The following DCDC2 variants were observed in gnomAD, a reference collection of about 807,000 sequenced individuals.
DCDC2 encodes the protein doublecortin domain-containing protein 2.
DCDC2 carries 40 observed loss-of-function variants against 50.2 expected under a neutral mutation model. That is an observed-to-expected ratio of 0.80 (90% CI 0.62 to 1.04). The LOEUF (loss-of-function observed/expected upper bound fraction) is 1.04, where lower values mean the gene tolerates loss of function less well. DCDC2 is among the 50% of genes least tolerant of loss of function. The pLI is 0.00. For synonymous variants in DCDC2, 234 were observed against 210.6 expected (o/e 1.11, Z -0.96); for missense variants, 570 against 581.9 (o/e 0.98, Z 0.21).
chr6:24,371,741 T>A, the DCDC2 span, among the ~76,000 whole-genome samples: 1 of 152,260 alleles, frequency 6.6e-6, no homozygotes, highest in South Asian at 2.1e-4. Context: ...AAAGGGCTAA[T>A]ATCCAGAATC....
At chr6:24,229,648 CT>C (rs1762298265) in intron 7 of DCDC2, among the ~76,000 whole-genome samples, 1 of 152,208 alleles carries the variant, frequency 6.6e-6, no homozygotes, top group South Asian at 2.1e-4. Flanking sequence ...CTGATTTCAT[CT>C]GAGGGAGCTG....
intron 9 of DCDC2, among the ~76,000 whole-genome samples, chr6:24,175,751 C>T (rs561767177): frequency 6.6e-6 from 1 of 152,280 alleles, no homozygotes; most frequent in South Asian, 2.1e-4. Flanking sequence ...AGAATTGTTA[C>T]ATGGAACAAA....
chr6:24,191,808 G>T (rs901598425), intron 8 of DCDC2, among the ~76,000 whole-genome samples: 3 of 152,296 alleles, frequency 2.0e-5, no homozygotes, highest in African/African-American at 7.2e-5. Flanking sequence ...TAAGGACACA[G>T]AAGAGTGGAA....
intron 7 of DCDC2, among the ~76,000 whole-genome samples, chr6:24,248,065 A>G (rs1663726959): frequency 6.6e-6 from 1 of 152,188 alleles, no homozygotes; most frequent in Admixed American, 6.5e-5. Flanking sequence ...AACAAGAACA[A>G]AACTCCATCT....
Position 24,356,616 on chromosome 6 carries a change from C to G in DCDC2, c.293+842G>C, listed in dbSNP as rs976949728. ...CCTATAATGACCACCCCAACCAACTCTCAACTCACAATTCCCACATAACTT... is the reference window on the plus strand; with the variant it reads ...CCTATAATGACCACCCCAACCAACTGTCAACTCACAATTCCCACATAACTT... On this transcript the variant is annotated intron_variant, in intron 1 of 9. Coordinates refer to ENST00000378454, the MANE Select transcript of DCDC2 (RefSeq NM_016356.5). Among the ~76,000 whole-genome samples, 11 of 145,712 alleles carry G rather than the reference C, an allele frequency of 7.5e-5. No homozygotes were observed. In the Admixed American group the frequency reaches 7.8e-4, roughly 10 times the overall value.
intron 7 of DCDC2, among the ~76,000 whole-genome samples, chr6:24,248,886 A>G (rs997432675): frequency 2.0e-5 from 3 of 152,232 alleles, no homozygotes; most frequent in African/African-American, 7.2e-5. Flanking sequence ...TTTTCACATT[A>G]TGCCAATTAA....
chr6:24,383,237 A>G, the DCDC2 span, among the ~76,000 whole-genome samples: 2 of 151,886 alleles, frequency 1.3e-5, no homozygotes, highest in Non-Finnish European at 2.9e-5. Context: ...AAGGCAGGAG[A>G]ATTGCTTGAA....
chr6:24,245,771 T>C (rs1402531137), intron 7 of DCDC2, among the ~76,000 whole-genome samples: 2 of 152,108 alleles, frequency 1.3e-5, no homozygotes, highest in South Asian at 4.1e-4. Flanking sequence ...TCAAAATGAT[T>C]AGAGAGATCA....
chr6:24,174,821 G>A lies in DCDC2; in HGVS notation c.1340C>T (p.Pro447Leu), dbSNP rs767844134. 6.2e-7 allele frequency: 1 copy of A among 1,612,566 alleles called. No homozygotes were observed. Among genetic ancestry groups the A allele is most frequent in the Non-Finnish European group, 8.5e-7 (1 of 1,179,004 alleles). ...TACTTCTGGCCTTGGTGGTCTTTGA[G>A]GGTCTACATCAGCCTAGAAGAAAAT... Reference protein sequence around the residue: ...GSGQDEADVDPQRPPRPEVKI... With the variant: ...GSGQDEADVDLQRPPRPEVKI... Residue 447 changes from proline (P) to leucine (L), a missense_variant, in exon 10 of 10, where the codon CCT (proline) becomes CTT (leucine). Coordinates refer to ENST00000378454, the MANE Select transcript of DCDC2 (RefSeq NM_016356.5).
intron 7 of DCDC2, among the ~76,000 whole-genome samples, chr6:24,236,560 T>TAAATCACC (rs1444240003): frequency 1.3e-5 from 2 of 152,138 alleles, no homozygotes; most frequent in African/African-American, 4.8e-5. Flanking sequence ...CTAATTAAAC[T>TAAATCACC]AAAGAGCTTC....
intron 6 of DCDC2, among the ~76,000 whole-genome samples, chr6:24,285,396 TTG>T (rs1763579955): frequency 6.6e-6 from 1 of 150,930 alleles, no homozygotes; most frequent in African/African-American, 2.4e-5. Flanking sequence ...TTTTCTTTTA[TTG>T]TCTTTCATAT....
chr6:24,179,547 CAAAAAAAAAAAAAAAAA>C (rs56731018), intron 8 of DCDC2, among the ~76,000 whole-genome samples: 2 of 49,574 alleles, frequency 4.0e-5, no homozygotes, highest in African/African-American at 1.9e-4. Context: ...GACACCATCT[CAAAAAAAAAAAAAAAAA>C]AAAAAAAAAA....
chr6:24,336,766 C>G (rs1228947020), intron 2 of DCDC2, among the ~76,000 whole-genome samples: 2 of 151,660 alleles, frequency 1.3e-5, no homozygotes, highest in Admixed American at 6.6e-5. Flanking sequence ...AGAAGTAAAC[C>G]CTGTCTTATT....
At chr6:24,282,901 G>A (rs570063382) in intron 6 of DCDC2, among the ~76,000 whole-genome samples, 2 of 152,226 alleles carry the variant, frequency 1.3e-5, no homozygotes, top group African/African-American at 4.8e-5. Context: ...TGGAGTTTTG[G>A]AGTATAAGGA....
chr6:24,195,370 AT>A (rs1471641150), intron 8 of DCDC2, among the ~76,000 whole-genome samples: 1 of 152,196 alleles, frequency 6.6e-6, no homozygotes, highest in African/African-American at 2.4e-5. Flanking sequence ...TTTTTTTCAA[AT>A]ATTGTTATTA....
intron 7 of DCDC2, among the ~76,000 whole-genome samples, chr6:24,236,758 C>A (rs1409073644): frequency 6.6e-6 from 1 of 152,082 alleles, no homozygotes; most frequent in East Asian, 1.9e-4. Flanking sequence ...ACCTGTAACC[C>A]CAGCACTTTG....
intron 8 of DCDC2, among the ~76,000 whole-genome samples, chr6:24,190,632 A>G (rs1023223024): frequency 1.3e-5 from 2 of 152,222 alleles, no homozygotes; most frequent in Admixed American, 1.3e-4. Context: ...TGATGGCTAC[A>G]TTTTAATGTT....
At position 24,263,593 on chromosome 6, in the gene DCDC2, G is replaced by A. The variant is rs570714268; in HGVS notation, c.922+14456C>T. On this transcript the variant is annotated intron_variant, in intron 7 of 9. Coordinates refer to ENST00000378454, the MANE Select transcript of DCDC2 (RefSeq NM_016356.5). ...TGAAAACTTCATTTGACATACTGAA[G>A]AAGGCATCAAAGTCGCTCAATAGCA... 2.6e-5 allele frequency among the ~76,000 whole-genome samples: 4 copies of A among 152,162 alleles called. No homozygotes were observed. In the South Asian group the frequency reaches 8.3e-4, roughly 32 times the overall value.
intron 6 of DCDC2, among the ~76,000 whole-genome samples, chr6:24,282,345 T>C (rs560263519): frequency 5.6e-4 from 85 of 152,138 alleles, no homozygotes; most frequent in African/African-American, 2.0e-3. Context: ...CAGGTTCAAG[T>C]GATTCTCTTG....
Sources: gnomAD v4.1 joint callset for allele counts (sites outside exome capture counted in the v4.1 genomes callset) on GRCh38, gnomAD v4.1.1 for gene constraint, MANE v1.5 for transcripts, NCBI Gene and HGNC (gene_info 2026-07-23, HGNC 2026-07-21) for gene names.